FANCI: variants seen among roughly 807,000 people sequenced by gnomAD.
FANCI encodes the protein FA complementation group I, also known as Fanconi anemia group I protein.
In FANCI, 156 loss-of-function variants were observed where a neutral mutation model predicts 176.1. The observed-to-expected ratio is 0.89, with a 90% CI of 0.78 to 1.01. The LOEUF (loss-of-function observed/expected upper bound fraction) is 1.01. Ranked by LOEUF, FANCI falls within the 50% of genes least tolerant of loss-of-function variation. The pLI is 0.00. For missense variants in FANCI, 1,678 were observed against 1,534.1 expected, an observed-to-expected ratio of 1.09 and a Z score of -1.57; for synonymous variants, 613 against 541.7, an observed-to-expected ratio of 1.13 and a Z score of -1.83.
intron 3 of FANCI, chr15:89,259,157 C>T (rs1244896151): frequency 2.3e-5 from 5 of 219,318 alleles, no homozygotes; most frequent in Admixed American, 1.0e-4. Flanking sequence ...CTTAAGGTGC[C>T]TTATATAGAG....
intron 14 of FANCI, among the ~76,000 whole-genome samples, chr15:89,279,139 GTTTTGT>G (rs1443098543): frequency 6.0e-5 from 8 of 133,964 alleles, no homozygotes; most frequent in Non-Finnish European, 1.1e-4. Context: ...TGAATTTGCT[GTTTTGT>G]TGTTGTTGTT....
At chr15:89,282,134 A>G in intron 16 of FANCI, 1 of 390,914 alleles carries the variant, frequency 2.6e-6, no homozygotes, top group Middle Eastern at 8.1e-4. Flanking sequence ...TGGTGGAGCA[A>G]GGATTCAAAG....
chr15:89,287,599 C>CTAGCTTTTGACTTGCCT (rs2053870724), intron 18 of FANCI, among the ~76,000 whole-genome samples: 1 of 152,310 alleles, frequency 6.6e-6, no homozygotes, highest in African/African-American at 2.4e-5. Flanking sequence ...TGCAAGAAGC[C>CTAGCTTTTGACTTGCCT]TAGCTTTTGA....
rs773165882 is a variant in FANCI at position 89,268,491 on chromosome 15, A to G, written c.848A>G (p.Tyr283Cys). ...LHIVFAIKLDYELGRELVKHL... is the reference protein window; with the variant it reads ...LHIVFAIKLDCELGRELVKHL... Reference sequence around the variant, plus strand: ...ATTGTGTTTGCCATCAAATTGGACTATGAACTAGGCAGAGAACTCGTGAAA... The same window carrying G: ...ATTGTGTTTGCCATCAAATTGGACTGTGAACTAGGCAGAGAACTCGTGAAA... Residue 283 changes from tyrosine (Y) to cysteine (C), a missense_variant, in exon 10 of 38, where the codon TAT becomes TGT. Coordinates refer to ENST00000310775, the MANE Select transcript of FANCI (RefSeq NM_001113378.2). The G allele has an allele frequency of 5.0e-6, 8 of 1,614,232 alleles. No homozygotes were observed. The highest frequency in any genetic ancestry group is 5.9e-6 in the Non-Finnish European group (7 of 1,180,032).
chr15:89,315,273 T>C lies in FANCI; in HGVS notation c.3817-9T>C. 2 of 1,606,668 alleles carry C rather than the reference T, an allele frequency of 1.2e-6. No individual in the cohort carries two copies. On this transcript the variant is annotated splice_polypyrimidine_tract_variant and intron_variant, in intron 36 of 37. Coordinates refer to ENST00000310775, the MANE Select transcript of FANCI (RefSeq NM_001113378.2). ...AGGGAGATGTCCCATGCTTACAATC[T>C]TGTCATAGGTGAACCTGATGCAGCA...
intron 12 of FANCI, among the ~76,000 whole-genome samples, chr15:89,275,769 C>A (rs1288255057): frequency 6.6e-6 from 1 of 152,216 alleles, no homozygotes; most frequent in Non-Finnish European, 1.5e-5. Flanking sequence ...TTCTGGAAAT[C>A]TCAACTGTCA....
intron 27 of FANCI, among the ~76,000 whole-genome samples, chr15:89,302,208 CTG>C (rs1461785884): frequency 2.0e-5 from 3 of 152,188 alleles, no homozygotes; most frequent in East Asian, 1.9e-4. Flanking sequence ...CCTCAGAAGA[CTG>C]TAGCCTGGGA....
intron 17 of FANCI, among the ~76,000 whole-genome samples, chr15:89,283,953 G>A (rs1274083090): frequency 6.6e-6 from 1 of 151,832 alleles, no homozygotes; most frequent in African/African-American, 2.4e-5. Context: ...TAGTAGAGAT[G>A]GGGTTTCATT....
chr15:89,316,556 G>C lies in FANCI; in HGVS notation c.*97G>C, dbSNP rs540354565. The C allele has an allele frequency of 2.3e-6, 3 of 1,325,290 alleles. No individual in the cohort carries two copies. Among genetic ancestry groups the C allele is most frequent in the East Asian group, 5.0e-5 (2 of 40,346 alleles). 82.1% of individuals were successfully genotyped at this position (1,325,290 alleles called of 1,614,324 possible). ...TGTCCTGTAGTCCACACCGATGTTG[G>C]CATCTTGGTTCTGAACCCACTGAAT... is the stretch of plus-strand genomic sequence containing the variant. On this transcript the variant is annotated 3_prime_UTR_variant, in exon 38 of 38. Transcript: ENST00000310775.
intron 10 of FANCI, among the ~76,000 whole-genome samples, chr15:89,271,241 A>AATTTAC (rs2053189285): frequency 6.6e-6 from 1 of 152,122 alleles, no homozygotes; most frequent in Non-Finnish European, 1.5e-5. Context: ...TAGTTTTGTA[A>AATTTAC]CTGTCACTAT....
rs1230412125 is a variant in FANCI, at chr15:89,264,587, T to C, written c.735T>C (p.Asn245=). ...AFFSALDKQH[N]EEQSGDELLD... ...TCAGTGCACTAGATAAGCAGCACAA[T>C]GAGGAACAGAGTGGTGACGAGTGAG... is the stretch of plus-strand genomic sequence containing the variant. Residue 245 remains asparagine (N), a synonymous_variant, in exon 9 of 38, where the codon AAT becomes AAC. Transcript: ENST00000310775. 1.2e-6 allele frequency: 2 copies of C among 1,613,620 alleles called. No individual in the cohort carries two copies. Among genetic ancestry groups the C allele is most frequent in the Admixed American group, 1.7e-5 (1 of 59,992 alleles).
Position 89,297,587 on chromosome 15 carries a change from C to T in FANCI, c.2637-2213C>T, listed in dbSNP as rs141037408. Among the ~76,000 whole-genome samples, 132 of 152,264 alleles carry T rather than the reference C, an allele frequency of 8.7e-4. 5 individuals carry two copies. The East Asian group carries it at 0.025, about 29-fold the overall frequency. On this transcript the variant is annotated intron_variant, in intron 24 of 37. Coordinates refer to ENST00000310775, the MANE Select transcript of FANCI (RefSeq NM_001113378.2). ...CAACCCGGCCAACACAGCGAAACCCCGTCTCCATCAAAAAAATACGAAAAC... is the reference window on the plus strand; with the variant it reads ...CAACCCGGCCAACACAGCGAAACCCTGTCTCCATCAAAAAAATACGAAAAC...
intron 14 of FANCI, 50 bp downstream of exon 14, chr15:89,278,824 C>A (rs2151512573): frequency 1.4e-6 from 2 of 1,477,474 alleles, no homozygotes; most frequent in Non-Finnish European, 1.9e-6. Context: ...ATTTTCATTT[C>A]AATGTCATAA....
chr15:89,258,040 C>A (rs1276495330), intron 2 of FANCI, among the ~76,000 whole-genome samples: 2 of 152,002 alleles, frequency 1.3e-5, no homozygotes, highest in Admixed American at 1.3e-4. Context: ...TTCTACTACT[C>A]TTTTCTTTAT....
rs1270724220 is a variant in FANCI at position 89,305,548 on chromosome 15, T to C, written c.3256-57T>C. ...GTAGGTGGCCAGGTGACCACAGTTA[T>C]TATATTACCCCCACAGCTGTGTGTA... On this transcript the variant is annotated intron_variant, in intron 30 of 37. Coordinates refer to ENST00000310775, the MANE Select transcript of FANCI (RefSeq NM_001113378.2). 4.4e-6 allele frequency: 7 copies of C among 1,605,180 alleles called. No homozygotes were observed. The Admixed American group carries it at 5.0e-5, about 11-fold the overall frequency.
In FANCI at chr15:89,312,712, C is replaced by T. The variant is rs57405086; in HGVS notation, c.3652-192C>T. Among the ~76,000 whole-genome samples the T allele has an allele frequency of 0.013, 1,995 of 151,418 alleles. 50 individuals carry two copies. The highest frequency in any genetic ancestry group is 0.045 in the African/African-American group (1,849 of 41,226). On this transcript the variant is annotated intron_variant, in intron 34 of 37. Coordinates refer to ENST00000310775, the MANE Select transcript of FANCI (RefSeq NM_001113378.2). ...GCACGTGCCTGTAGTCCCAGCTACT[C>T]GGGAGGCTGAGGCACAAGAATCACT...
chr15:89,259,658 A>G (rs2052634802), intron 3 of FANCI, among the ~76,000 whole-genome samples: 1 of 152,162 alleles, frequency 6.6e-6, no homozygotes, highest in South Asian at 2.1e-4. Flanking sequence ...CCAAACCCCT[A>G]GTCCATTCCA....
intron 15 of FANCI, 106 bp downstream of exon 15, chr15:89,281,406 C>T: frequency 7.2e-7 from 1 of 1,379,592 alleles, no homozygotes; most frequent in Non-Finnish European, 1.0e-6. Context: ...AATTCTATTC[C>T]ACTTTAGTCT....
chr15:89,295,020 G>A lies in FANCI; in HGVS notation c.2562G>A (p.Lys854=). 1 of 1,552,250 alleles carries A rather than the reference G, an allele frequency of 6.4e-7. No homozygotes were observed. Among genetic ancestry groups the A allele is most frequent in the Non-Finnish European group, 8.7e-7 (1 of 1,147,128 alleles). Residue 854 remains lysine (K), a synonymous_variant, in exon 24 of 38, where the codon AAG becomes AAA. Coordinates refer to ENST00000310775, the MANE Select transcript of FANCI (RefSeq NM_001113378.2). ...CTCTGCAGAAAGTACAGCAGCTAAA[G>A]GAAACAGGGCATGTGAGTGGCCCTG... The part of the protein sequence containing the change: ...NVALQKVQQL[K]ETGHVSGPDG...
Sources: gnomAD v4.1 joint callset for allele counts (sites outside exome capture counted in the v4.1 genomes callset) on GRCh38, gnomAD v4.1.1 for gene constraint, MANE v1.5 for transcripts, NCBI Gene and HGNC (gene_info 2026-07-23, HGNC 2026-07-21) for gene names.